Variants in FOXO1 observed in about 807,000 individuals in gnomAD.
FOXO1 encodes the protein forkhead box O1, also known as forkhead box protein O1.
A neutral mutation model predicts 44.1 loss-of-function variants in FOXO1; 6 were observed. That is an observed-to-expected ratio of 0.14 (90% CI 0.07 to 0.27). FOXO1 has a LOEUF of 0.27. FOXO1 is among the 10% of genes least tolerant of loss of function. The pLI, the probability that FOXO1 is intolerant of heterozygous loss-of-function variation, is 1.00. For synonymous variants in FOXO1, 380 were observed against 362.7 expected (o/e 1.05, Z -0.54); for missense variants, 737 against 888.8 (o/e 0.83, Z 2.17).
intron 1 of FOXO1, chr13:40,610,934 C>A (rs1363529619): frequency 5.6e-6 from 2 of 355,542 alleles, no homozygotes; most frequent in South Asian, 4.2e-5. Context: ...AAATCTTCTA[C>A]CAGTATTCAT....
chr13:40,631,949 A>T (rs1206507761), intron 1 of FOXO1, among the ~76,000 whole-genome samples: 2 of 152,120 alleles, frequency 1.3e-5, no homozygotes, highest in African/African-American at 4.8e-5. Context: ...CACAAATTTT[A>T]AAAAAATAGG....
chr13:40,572,071 G>C (rs1414925468), intron 1 of FOXO1, among the ~76,000 whole-genome samples: 3 of 152,168 alleles, frequency 2.0e-5, no homozygotes, highest in Non-Finnish European at 4.4e-5. Context: ...TTCATGCTAG[G>C]TAAATGTATA....
rs11344939 is a variant in FOXO1 at position 40,654,322 on chromosome 13, T to TAAAAAAAAAAAAAAAAAA, written c.630+11243_630+11260dup. On this transcript the variant is annotated intron_variant, in intron 1 of 2. Transcript: ENST00000379561. Reference sequence around the variant, plus strand: ...GAAACCTCATCTCTACTAAAAATACTAAAAAAAAAAAAAAAAAAAAAAAAA... The same window carrying TAAAAAAAAAAAAAAAAAA: ...GAAACCTCATCTCTACTAAAAATACTAAAAAAAAAAAAAAAAAAAAAAAAAAAAAAAAAAAAAAAAAAA... Among the ~76,000 whole-genome samples, 7 of 48,194 alleles carry TAAAAAAAAAAAAAAAAAA rather than the reference T, an allele frequency of 1.5e-4. 1 individual carries two copies. Among genetic ancestry groups the TAAAAAAAAAAAAAAAAAA allele is most frequent in the African/African-American group, 4.7e-4 (7 of 15,050 alleles). The allele number at this position is 48,194 out of a possible 152,430, so 31.6% of individuals were successfully genotyped here.
chr13:40,568,469 T>C (rs542241636), intron 1 of FOXO1, among the ~76,000 whole-genome samples: 5 of 152,196 alleles, frequency 3.3e-5, no homozygotes, highest in Non-Finnish European at 7.3e-5. Context: ...AGAGTTCCCA[T>C]TAAGAGTTAC....
At chr13:40,609,555 C>T (rs1876150091) in intron 1 of FOXO1, among the ~76,000 whole-genome samples, 1 of 152,146 alleles carries the variant, frequency 6.6e-6, no homozygotes, top group Admixed American at 6.5e-5. Context: ...CTAATTTCTT[C>T]AATTCTGGAC....
intron 1 of FOXO1, among the ~76,000 whole-genome samples, chr13:40,661,765 C>T (rs948579007): frequency 7.9e-5 from 12 of 152,102 alleles, no homozygotes; most frequent in African/African-American, 2.7e-4. Context: ...CAATTACTCA[C>T]CTATAGATTA....
chr13:40,566,841 G>A (rs1231079403), intron 1 of FOXO1, among the ~76,000 whole-genome samples: 6 of 152,010 alleles, frequency 3.9e-5, no homozygotes, highest in South Asian at 4.2e-4. Context: ...AGTCTATCAC[G>A]GTAGTCTTCT....
At chr13:40,654,513 A>G (rs9549251) in intron 1 of FOXO1, among the ~76,000 whole-genome samples, 60,672 of 147,930 alleles carry the variant, frequency 0.41, 13,858 homozygotes, top group East Asian at 0.73. Context: ...AAAAAAAAAA[A>G]AAGAAGAAAA....
At chr13:40,632,112 A>C (rs901841509) in intron 1 of FOXO1, among the ~76,000 whole-genome samples, 1 of 152,154 alleles carries the variant, frequency 6.6e-6, no homozygotes. Context: ...TCTACTAAAA[A>C]TACAAAAAAT....
At chr13:40,579,131 C>G (rs554299549) in intron 1 of FOXO1, among the ~76,000 whole-genome samples, 1 of 152,244 alleles carries the variant, frequency 6.6e-6, no homozygotes, top group African/African-American at 2.4e-5. Context: ...ATAAGTGCTT[C>G]AAAAAGCATA....
chr13:40,561,943 C>CAAAAAAAAAAA (rs60373589), intron 1 of FOXO1, among the ~76,000 whole-genome samples: 4 of 67,572 alleles, frequency 5.9e-5, no homozygotes, highest in African/African-American at 2.1e-4. Context: ...ACTCTGTCGC[C>CAAAAAAAAAAA]AAAAAAAAAA....
chr13:40,665,395 G>T (rs946392526), intron 1 of FOXO1, among the ~76,000 whole-genome samples, 188 bp downstream of exon 1: 6 of 151,830 alleles, frequency 4.0e-5, no homozygotes, highest in African/African-American at 1.5e-4. Context: ...TGACTGGCGC[G>T]CACGCACACC....
intron 1 of FOXO1, among the ~76,000 whole-genome samples, chr13:40,650,570 A>G (rs774874852): frequency 1.1e-4 from 16 of 152,222 alleles, no homozygotes; most frequent in African/African-American, 2.9e-4. Flanking sequence ...AAAAGAGATC[A>G]CAAAGAAGGG....
intron 1 of FOXO1, among the ~76,000 whole-genome samples, chr13:40,595,723 G>C (rs1875552602): frequency 6.6e-6 from 1 of 151,856 alleles, no homozygotes; most frequent in Non-Finnish European, 1.5e-5. Context: ...TCCTTGAACG[G>C]TTAACAAAAT....
In FOXO1 at chr13:40,560,002, T is replaced by C. The variant is rs1566060620; in HGVS notation, c.1489A>G (p.Met497Val). 3 of 1,614,162 alleles carry C rather than the reference T, an allele frequency of 1.9e-6. No individual in the cohort carries two copies. Among genetic ancestry groups the C allele is most frequent in the Admixed American group, 1.7e-5 (1 of 60,022 alleles). The change falls in exon 2 of 3, where the codon ATG becomes GTG. Residue 497 changes from methionine (M) to valine (V), a missense_variant. Transcript: ENST00000379561. This position sits in a 1 kb window ranked among gnomAD's most constrained non-coding sequence, Gnocchi z 5.1. ...GACATGACCGAATTAGGGCCCATCA[T>C]GACGTTCTGGCCCAGAACCCGGCTG... ...PNSRVLGQNV[M>V]MGPNSVMSTY...
At position 40,560,207 on chromosome 13, in the gene FOXO1, T is replaced by C; in HGVS notation, c.1284A>G (p.Gln428=). The C allele has an allele frequency of 6.2e-7, 1 of 1,614,116 alleles. No homozygotes were observed. The highest frequency in any genetic ancestry group is 8.5e-7 in the Non-Finnish European group (1 of 1,180,016). The part of the protein sequence containing the change: ...SPNYQKYTYG[Q]SSMSPLPQMP... ...TCTGGGGCAAAGGGCTCATGCTGGA[T>C]TGGCCATATGTATATTTTTGGTAGT... The change falls in exon 2 of 3, where the codon CAA becomes CAG. Residue 428 remains glutamine (Q), a synonymous_variant. Transcript: ENST00000379561. This position sits in a 1 kb window ranked among gnomAD's most constrained non-coding sequence, Gnocchi z 5.1.
chr13:40,658,684 A>G (rs537318013), intron 1 of FOXO1, among the ~76,000 whole-genome samples: 1 of 152,350 alleles, frequency 6.6e-6, no homozygotes, highest in African/African-American at 2.4e-5. Context: ...GGAATCCAAG[A>G]TAAGAAACGA....
At chr13:40,642,171 G>C (rs996789398) in intron 1 of FOXO1, among the ~76,000 whole-genome samples, 2 of 152,140 alleles carry the variant, frequency 1.3e-5, no homozygotes, top group African/African-American at 4.8e-5. Context: ...GCCACAGTAA[G>C]CACACAATAA....
In FOXO1 at chr13:40,642,197, T is replaced by C. The variant is rs146244170; in HGVS notation, c.630+23386A>G. Reference sequence around the variant, plus strand: ...CACACAATAAATATCAGCTTCTTTTTTGTAGCTAGTGTAACTTCACTGCTT... The same window carrying C: ...CACACAATAAATATCAGCTTCTTTTCTGTAGCTAGTGTAACTTCACTGCTT... On this transcript the variant is annotated intron_variant, in intron 1 of 2. Coordinates refer to ENST00000379561, the MANE Select transcript of FOXO1 (RefSeq NM_002015.4). 1.0e-3 allele frequency among the ~76,000 whole-genome samples: 153 copies of C among 152,324 alleles called. 2 individuals are homozygous for C. The highest frequency in any genetic ancestry group is 3.3e-3 in the African/African-American group (138 of 41,570).
Sources: allele counts gnomAD v4.1 joint callset (sites outside exome capture counted in the v4.1 genomes callset), GRCh38; gene constraint gnomAD v4.1.1; non-coding constraint Gnocchi (gnomAD v3.1); transcripts MANE v1.5; gene names NCBI Gene and HGNC (gene_info 2026-07-23, HGNC 2026-07-21).